Variants in NIBAN2 observed in about 807,000 individuals in gnomAD.
The protein encoded by NIBAN2 is niban apoptosis regulator 2.
NIBAN2 carries 36 observed loss-of-function variants against 81.8 expected under a neutral mutation model. The observed-to-expected ratio is 0.44, with a 90% CI of 0.34 to 0.58. The LOEUF is 0.58. NIBAN2 is among the 20% of genes least tolerant of loss of function. NIBAN2 has a pLI of 0.02. For missense variants in NIBAN2, 897 were observed against 1,014.1 expected (o/e 0.88, Z 1.57); for synonymous variants, 445 against 441.6 (o/e 1.01, Z -0.10).
At chr9:127,526,899 C>T (rs1053914102) in intron 3 of NIBAN2, among the ~76,000 whole-genome samples, 4 of 151,942 alleles carry the variant, frequency 2.6e-5, no homozygotes, top group Middle Eastern at 3.2e-3. Flanking sequence ...CTGGAGCCAG[C>T]TGGAGGGACT....
intron 1 of NIBAN2, among the ~76,000 whole-genome samples, chr9:127,562,178 C>T (rs1417858226): frequency 6.6e-6 from 1 of 152,134 alleles, no homozygotes; most frequent in African/African-American, 2.4e-5. Flanking sequence ...GCTCTATTCC[C>T]ACTCGGCTCC....
chr9:127,538,944 CAAA>C (rs59404269), intron 1 of NIBAN2, among the ~76,000 whole-genome samples: 15,436 of 114,500 alleles, frequency 0.13, 1,045 homozygotes, highest in Admixed American at 0.29. Context: ...GACTCCATCT[CAAA>C]AAAAAAAAAA....
At chr9:127,552,960 G>A (rs530281587) in intron 1 of NIBAN2, among the ~76,000 whole-genome samples, 5 of 152,218 alleles carry the variant, frequency 3.3e-5, no homozygotes, top group African/African-American at 1.2e-4. Context: ...CCAAAATGCT[G>A]GGATTACAGG....
chr9:127,569,630 C>G (rs957994869), upstream of NIBAN2, among the ~76,000 whole-genome samples: 6 of 152,210 alleles, frequency 3.9e-5, no homozygotes, highest in East Asian at 1.9e-4. Flanking sequence ...CCCTGCCCCC[C>G]CAAGTCCCGC....
intron 1 of NIBAN2, among the ~76,000 whole-genome samples, chr9:127,532,265 G>A (rs1472447936): frequency 6.6e-6 from 1 of 152,166 alleles, no homozygotes; most frequent in Non-Finnish European, 1.5e-5. Context: ...TGATCTCTAG[G>A]GATGATCGGT....
rs755550771 is a variant in NIBAN2, at chr9:127,507,945, C to T, written c.1576G>A (p.Asp526Asn). ...LPRFQELIFE[D>N]FARFILVENT... ...TCCACCAGGATGAACCTGGCAAAGT[C>T]CTCGAAGATCAGCTCCTGGAACCGG... Residue 526 changes from aspartate (D) to asparagine (N), a missense_variant, in exon 13 of 14, where the codon GAC becomes AAC. Physicochemically the swap from Asp to Asn is conservative, Grantham distance 23. Around this residue, in one of 3 missense-constraint regions of NIBAN2, gnomAD observed 619 missense variants for 691.0 expected, o/e 0.90. Coordinates refer to ENST00000373312, the MANE Select transcript of NIBAN2 (RefSeq NM_022833.4). The surrounding 1 kb of genome is among the most constrained non-coding windows in gnomAD (Gnocchi z 6.8). 3 of 1,614,200 alleles carry T rather than the reference C, an allele frequency of 1.9e-6. No individual in the cohort carries two copies. Among genetic ancestry groups the T allele is most frequent in the East Asian group, 4.5e-5 (2 of 44,888 alleles).
intron 1 of NIBAN2, among the ~76,000 whole-genome samples, chr9:127,578,354 CAAAAAAAAA>C (rs150337961): frequency 2.4e-5 from 2 of 83,574 alleles, no homozygotes; most frequent in African/African-American, 1.0e-4. Context: ...GACTTGGTCT[CAAAAAAAAA>C]AAAAAAAAAA....
intron 1 of NIBAN2, among the ~76,000 whole-genome samples, chr9:127,535,037 T>TGAG (rs34747599): frequency 0.14 from 21,180 of 152,118 alleles, 1,769 homozygotes; most frequent in Admixed American, 0.28. Context: ...ATTTCAGGGA[T>TGAG]GAGGAGTCAA....
intron 1 of NIBAN2, among the ~76,000 whole-genome samples, chr9:127,541,033 G>A (rs138124922): frequency 6.6e-6 from 1 of 152,224 alleles, no homozygotes; most frequent in Admixed American, 6.5e-5. Flanking sequence ...GGGGAAAGAG[G>A]GGGGTGCCGA....
intron 1 of NIBAN2, among the ~76,000 whole-genome samples, chr9:127,549,022 C>A (rs1168624564): frequency 6.6e-6 from 1 of 152,174 alleles, no homozygotes; most frequent in African/African-American, 2.4e-5. Flanking sequence ...GAGCACCCAC[C>A]TCCAAGAGTT....
In NIBAN2 at chr9:127,545,147, C is replaced by A. The variant is rs1837447818; in HGVS notation, c.56-13369G>T. Among the ~76,000 whole-genome samples the A allele has an allele frequency of 6.6e-6, 1 of 152,166 alleles. No individual in the cohort carries two copies. The highest frequency in any genetic ancestry group is 6.5e-5 in the Admixed American group (1 of 15,276). ...AATCTGGCCTCTGGCCTTGGGGTCC[C>A]ACGTCTACAGTGCCCTCCTAGCGTC... On this transcript the variant is annotated intron_variant, in intron 1 of 13. Transcript: ENST00000373312. The surrounding 1 kb of genome is among the most constrained non-coding windows in gnomAD (Gnocchi z 4.7).
rs777115465 is a variant in NIBAN2, at chr9:127,525,091, G to T, written c.388C>A (p.Gln130Lys). The T allele has an allele frequency of 1.9e-6, 3 of 1,614,130 alleles. No individual in the cohort carries two copies. The highest frequency in any genetic ancestry group is 1.7e-6 in the Non-Finnish European group (2 of 1,179,974). Residue 130 changes from glutamine to lysine, a missense_variant, in exon 4 of 14, where the codon CAA becomes AAA. Gln to Lys is a moderately conservative substitution (Grantham distance 53). Coordinates refer to ENST00000373312, the MANE Select transcript of NIBAN2 (RefSeq NM_022833.4). ...GAGTTGCCAATGAGCTCCAGGTATT[G>T]GTCCACGGACGTGAGGATTTTGTAG... ...AGYKILTSVD[Q>K]YLELIGNSLP...
At position 127,517,705 on chromosome 9, in the gene NIBAN2, T is replaced by C. The variant is rs550015540; in HGVS notation, c.705+121A>G. Reference sequence around the variant, plus strand: ...CCCTGCACTTGTCCAAATCTAAGCATGTCATCTCCTTCCAAACCGGCAGCG... The same window carrying C: ...CCCTGCACTTGTCCAAATCTAAGCACGTCATCTCCTTCCAAACCGGCAGCG... On this transcript the variant is annotated intron_variant, in intron 6 of 13. Coordinates refer to ENST00000373312, the MANE Select transcript of NIBAN2 (RefSeq NM_022833.4). The surrounding 1 kb of genome is among the most constrained non-coding windows in gnomAD (Gnocchi z 4.0). The C allele has an allele frequency of 4.3e-6, 3 of 704,784 alleles. No individual in the cohort carries two copies. In the South Asian group the frequency reaches 5.0e-5, roughly 12 times the overall value. 43.7% of individuals were successfully genotyped at this position (704,784 alleles called of 1,614,324 possible). A position where few individuals can be genotyped will look rare whatever the true frequency, so the allele number is the denominator to read the frequency against.
chr9:127,567,520 G>A (rs926506863), intron 1 of NIBAN2, among the ~76,000 whole-genome samples: 3 of 152,206 alleles, frequency 2.0e-5, no homozygotes, highest in Non-Finnish European at 2.9e-5. Flanking sequence ...GACTTGGCCC[G>A]GGACCACAGT....
chr9:127,527,105 C>T (rs989285847), intron 3 of NIBAN2, 89 bp downstream of exon 3: 60 of 1,524,086 alleles, frequency 3.9e-5, no homozygotes, highest in Admixed American at 8.4e-5. Flanking sequence ...GTGACGGTGG[C>T]GTCTGGGGCC....
intron 1 of NIBAN2, among the ~76,000 whole-genome samples, chr9:127,533,602 C>T (rs991998070): frequency 6.6e-6 from 1 of 152,322 alleles, no homozygotes; most frequent in Non-Finnish European, 1.5e-5. Flanking sequence ...CAACTGCACT[C>T]CAGCCTGGGC....
chr9:127,541,339 T>G (rs1837375673), intron 1 of NIBAN2, among the ~76,000 whole-genome samples: 1 of 152,248 alleles, frequency 6.6e-6, no homozygotes, highest in South Asian at 2.1e-4. Context: ...GCACCACCTC[T>G]GTGCCCAGCA....
chr9:127,541,559 C>G (rs1237148288), intron 1 of NIBAN2, among the ~76,000 whole-genome samples: 1 of 152,162 alleles, frequency 6.6e-6, no homozygotes, highest in Non-Finnish European at 1.5e-5. Flanking sequence ...AGGGCAGACA[C>G]AGGGCTCCTG....
Position 127,508,305 on chromosome 9 carries a change from G to T in NIBAN2, c.1435-105C>A, listed in dbSNP as rs988249759. The T allele has an allele frequency of 5.1e-5, 67 of 1,313,578 alleles. No individual in the cohort carries two copies. The South Asian group carries it at 5.7e-4, about 11-fold the overall frequency. The allele number at this position is 1,313,578 out of a possible 1,614,324, so 81.4% of individuals were successfully genotyped here. On this transcript the variant is annotated intron_variant, in intron 11 of 13. Coordinates refer to ENST00000373312, the MANE Select transcript of NIBAN2 (RefSeq NM_022833.4). The surrounding 1 kb of genome is among the most constrained non-coding windows in gnomAD (Gnocchi z 6.4). Reference sequence around the variant, plus strand: ...GACCCAAGCCTCCGAGTCCTCATCCGCACAAGAGGACCATGGCGCCTCCTT... The same window carrying T: ...GACCCAAGCCTCCGAGTCCTCATCCTCACAAGAGGACCATGGCGCCTCCTT...
Sources: gnomAD v4.1 joint callset for allele counts (sites outside exome capture counted in the v4.1 genomes callset) on GRCh38, gnomAD v4.1.1 for gene constraint, gnomAD v4.1.1 regional missense constraint, Gnocchi (gnomAD v3.1) non-coding constraint, MANE v1.5 for transcripts, NCBI Gene and HGNC (gene_info 2026-07-23, HGNC 2026-07-21) for gene names.